Variants in SLIT2 observed in about 807,000 individuals in gnomAD.
The protein encoded by SLIT2 is slit homolog 2 protein.
SLIT2 carries 41 observed loss-of-function variants against 185.7 expected under a neutral mutation model. That is an observed-to-expected ratio of 0.22 (90% CI 0.17 to 0.29). SLIT2 has a LOEUF of 0.29. Among genes scored for constraint, SLIT2 ranks in the 10% least tolerant of loss-of-function variants. SLIT2 has a pLI of 1.00. For missense variants in SLIT2, 1,571 were observed against 1,909.0 expected (o/e 0.82, Z 3.30); for synonymous variants, 693 against 680.2 (o/e 1.02, Z -0.29).
chr4:20,423,600 AG>A (rs1438860022), intron 4 of SLIT2, among the ~76,000 whole-genome samples: 1 of 152,146 alleles, frequency 6.6e-6, no homozygotes, highest in African/African-American at 2.4e-5. Flanking sequence ...TGACCACAAG[AG>A]GTCTGCCTTT....
intron 30 of SLIT2, among the ~76,000 whole-genome samples, chr4:20,595,485 T>TA (rs1727902252): frequency 6.6e-6 from 1 of 150,840 alleles, no homozygotes; most frequent in African/African-American, 2.4e-5. Flanking sequence ...ATCAAGGAGA[T>TA]AAAATCACTA....
chr4:20,616,792 G>A (rs1578031641), intron 34 of SLIT2, 118 bp from the exon 35 acceptor site: 1 of 1,133,448 alleles, frequency 8.8e-7, no homozygotes, highest in East Asian at 2.5e-5. Context: ...CTACCACCCT[G>A]CCCAAATATC....
intron 4 of SLIT2, among the ~76,000 whole-genome samples, chr4:20,451,988 T>G (rs753337847): frequency 1.3e-5 from 2 of 152,214 alleles, no homozygotes; most frequent in Admixed American, 6.5e-5. Context: ...ACGTTAAAAA[T>G]GTTAAAAGTA....
chr4:20,412,908 A>G (rs1401658240), intron 4 of SLIT2, among the ~76,000 whole-genome samples: 4 of 152,190 alleles, frequency 2.6e-5, no homozygotes, highest in African/African-American at 9.6e-5. Flanking sequence ...TTTCTGTACT[A>G]TCACTTTCTT....
intron 26 of SLIT2, among the ~76,000 whole-genome samples, chr4:20,555,518 C>T (rs2148897726): frequency 6.6e-6 from 1 of 152,148 alleles, no homozygotes; most frequent in Middle Eastern, 3.4e-3. Flanking sequence ...TAAAAGACTG[C>T]CTCAAACACA....
chr4:20,327,667 A>C (rs1177762005), intron 4 of SLIT2, among the ~76,000 whole-genome samples: 1 of 152,042 alleles, frequency 6.6e-6, no homozygotes, highest in Non-Finnish European at 1.5e-5. Context: ...GTGAAGTGAT[A>C]AAATGTTTTA....
At chr4:20,366,607 A>G (rs1210453944) in intron 4 of SLIT2, among the ~76,000 whole-genome samples, 1 of 152,062 alleles carries the variant, frequency 6.6e-6, no homozygotes, top group Non-Finnish European at 1.5e-5. Flanking sequence ...TTTACCTGTC[A>G]TCATTCATTG....
chr4:20,317,227 T>C (rs1308057030), intron 4 of SLIT2, among the ~76,000 whole-genome samples: 1 of 151,946 alleles, frequency 6.6e-6, no homozygotes, highest in African/African-American at 2.4e-5. Context: ...GCAGTATTAA[T>C]GATGACATGG....
At chr4:20,610,299 A>G in intron 34 of SLIT2, 132 bp downstream of exon 34, 3 of 724,118 alleles carry the variant, frequency 4.1e-6, no homozygotes, top group East Asian at 3.0e-5. Context: ...TGAAAGATGG[A>G]TGGCAAAGAC....
At chr4:20,420,207 G>GTTA (rs1448684640) in intron 4 of SLIT2, among the ~76,000 whole-genome samples, 1 of 152,070 alleles carries the variant, frequency 6.6e-6, no homozygotes, top group African/African-American at 2.4e-5. Flanking sequence ...ATAGGTTTTG[G>GTTA]TTAGGGTCTT....
chr4:20,373,073 T>TC (rs990834329), intron 4 of SLIT2, among the ~76,000 whole-genome samples: 1 of 152,100 alleles, frequency 6.6e-6, no homozygotes, highest in African/African-American at 2.4e-5. Flanking sequence ...GCATTTCTAA[T>TC]CTCCAGTCAC....
At chr4:20,476,810 A>C (rs1328114483) in intron 5 of SLIT2, among the ~76,000 whole-genome samples, 1 of 152,222 alleles carries the variant, frequency 6.6e-6, no homozygotes, top group Non-Finnish European at 1.5e-5. Flanking sequence ...AAGAAAACCT[A>C]AATGATGGAC....
intron 30 of SLIT2, among the ~76,000 whole-genome samples, chr4:20,591,584 T>G (rs1157774535): frequency 1.9e-4 from 29 of 152,000 alleles, no homozygotes. Context: ...CCCAGTGTTA[T>G]TCCATTTTCA....
chr4:20,455,946 T>C (rs919453491), intron 4 of SLIT2, among the ~76,000 whole-genome samples: 4 of 152,180 alleles, frequency 2.6e-5, no homozygotes, highest in African/African-American at 9.7e-5. Flanking sequence ...TTTTTTATCA[T>C]GATCAAGAAT....
At chr4:20,447,794 G>A (rs1014735135) in intron 4 of SLIT2, among the ~76,000 whole-genome samples, 4 of 152,202 alleles carry the variant, frequency 2.6e-5, no homozygotes, top group African/African-American at 9.7e-5. Flanking sequence ...ACACGCAAGT[G>A]CCCACATGAA....
intron 26 of SLIT2, among the ~76,000 whole-genome samples, chr4:20,560,521 C>G (rs926107128): frequency 6.6e-6 from 1 of 151,784 alleles, no homozygotes; most frequent in Non-Finnish European, 1.5e-5. Context: ...CTGACCTCAT[C>G]TTTTAAATAT....
At chr4:20,502,048 C>A (rs1577798147) in intron 9 of SLIT2, among the ~76,000 whole-genome samples, 1 of 152,228 alleles carries the variant, frequency 6.6e-6, no homozygotes, top group East Asian at 1.9e-4. Flanking sequence ...GTTATACATA[C>A]ATATACTCAC....
intron 21 of SLIT2, among the ~76,000 whole-genome samples, chr4:20,544,570 C>T (rs1168167648): frequency 6.6e-6 from 1 of 152,032 alleles, no homozygotes; most frequent in Non-Finnish European, 1.5e-5. Flanking sequence ...AAGTTTTACC[C>T]CCTGGAGAGC....
In SLIT2 at chr4:20,553,836, T is replaced by C; in HGVS notation, c.2593T>C (p.Cys865Arg). 6.3e-7 allele frequency: 1 copy of C among 1,592,924 alleles called. No homozygotes were observed. Among genetic ancestry groups the C allele is most frequent in the Non-Finnish European group, 8.5e-7 (1 of 1,173,780 alleles). ...TGGAGCCAACCCTCTTTACTGTGAT[T>C]GTAACATGCAGTGGTTATCCGACTG... ...AIGANPLYCD[C>R]NMQWLSDWVK... Residue 865 changes from cysteine (C) to arginine (R), a missense_variant, in exon 26 of 37, where the codon TGT becomes CGT. By Grantham distance (180) the Cys-to-Arg change is radical. Coordinates refer to ENST00000504154, the MANE Select transcript of SLIT2 (RefSeq NM_004787.4).
Sources: gnomAD v4.1 joint callset for allele counts (sites outside exome capture counted in the v4.1 genomes callset) on GRCh38, gnomAD v4.1.1 for gene constraint, MANE v1.5 for transcripts, NCBI Gene and HGNC (gene_info 2026-07-23, HGNC 2026-07-21) for gene names.